Variants in LARS2 observed in about 807,000 individuals in gnomAD.
LARS2 encodes leucyl-tRNA synthetase 2, mitochondrial.
In LARS2, 81 loss-of-function variants were observed where a neutral mutation model predicts 116.6. The ratio of observed to expected loss-of-function variants is 0.69; its 90% CI spans 0.58 to 0.84. The LOEUF (loss-of-function observed/expected upper bound fraction) is 0.84, where lower values mean the gene tolerates loss of function less well. Ranked by LOEUF, LARS2 falls within the 40% of genes least tolerant of loss-of-function variation. The probability of loss-of-function intolerance (pLI) is 0.00; values close to 1 mark genes in which losing one functional copy is unlikely to be tolerated. For synonymous variants in LARS2, 396 were observed against 407.2 expected (o/e 0.97, Z 0.33); for missense variants, 968 against 1,114.5 (o/e 0.87, Z 1.87).
chr3:45,471,010 G>A (rs1246921185), intron 8 of LARS2, among the ~76,000 whole-genome samples: 2 of 123,470 alleles, frequency 1.6e-5, no homozygotes, highest in Non-Finnish European at 3.2e-5. Flanking sequence ...GAAATGAGGC[G>A]AATACCATCT....
Position 45,491,727 on chromosome 3 carries a change from A to G in LARS2, c.1450A>G (p.Ile484Val), listed in dbSNP as rs745912201. Residue 484 changes from isoleucine to valine, a missense_variant, in exon 13 of 22, where the codon ATC (isoleucine) becomes GTC (valine). Coordinates refer to ENST00000645846, the MANE Select transcript of LARS2 (RefSeq NM_015340.4). ...LEDLPVTLPNIASFTGKGGPP... is the reference protein window; with the variant it reads ...LEDLPVTLPNVASFTGKGGPP... ...GGACTTGCCTGTGACCCTGCCCAACATCGCGTCTTTCACTGGCAAGGGAGG... is the reference window on the plus strand; with the variant it reads ...GGACTTGCCTGTGACCCTGCCCAACGTCGCGTCTTTCACTGGCAAGGGAGG... 12 of 1,613,638 alleles carry G rather than the reference A, an allele frequency of 7.4e-6. No homozygotes were observed. Among genetic ancestry groups the G allele is most frequent in the African/African-American group, 4.0e-5 (3 of 74,902 alleles).
chr3:45,540,746 G>GTCTGTCTC lies in LARS2; in HGVS notation c.2405-1080_2405-1079insGTCTCTCT, dbSNP rs763247398. Among the ~76,000 whole-genome samples, 36 of 149,112 alleles carry GTCTGTCTC rather than the reference G, an allele frequency of 2.4e-4. 1 individual carries two copies. Among genetic ancestry groups the GTCTGTCTC allele is most frequent in the Admixed American group, 3.3e-4 (5 of 14,974 alleles). On this transcript the variant is annotated intron_variant, in intron 20 of 21. Transcript: ENST00000645846. ...AACAGAGGCTTGCATGTATCTATCT[G>GTCTGTCTC]TCTATCTATCTATCTATCTATCTAT...
intron 6 of LARS2, among the ~76,000 whole-genome samples, chr3:45,423,237 A>G (rs1311571264): frequency 6.6e-6 from 1 of 152,084 alleles, no homozygotes; most frequent in Non-Finnish European, 1.5e-5. Context: ...TTCTAAATCT[A>G]TTTTCCAGGG....
chr3:45,482,022 A>G (rs1384757672), intron 10 of LARS2, among the ~76,000 whole-genome samples: 1 of 152,178 alleles, frequency 6.6e-6, no homozygotes, highest in African/African-American at 2.4e-5. Flanking sequence ...ATTTTTGTAT[A>G]TGGCATGAAG....
chr3:45,537,336 A>T (rs190190611), intron 20 of LARS2, among the ~76,000 whole-genome samples: 1 of 152,286 alleles, frequency 6.6e-6, no homozygotes, highest in East Asian at 1.9e-4. Context: ...TTTCTTCATA[A>T]AATAATTTGG....
chr3:45,513,482 G>C (rs1231488417), intron 16 of LARS2, among the ~76,000 whole-genome samples: 1 of 152,184 alleles, frequency 6.6e-6, no homozygotes, highest in Non-Finnish European at 1.5e-5. Flanking sequence ...CTTCTGGCAG[G>C]GTTTTCATTT....
In LARS2 at chr3:45,400,283, T is replaced by C; in HGVS notation, c.273T>C (p.Pro91=). The C allele has an allele frequency of 6.2e-7, 1 of 1,613,816 alleles. No homozygotes were observed. The highest frequency in any genetic ancestry group is 8.5e-7 in the Non-Finnish European group (1 of 1,179,804). ...AATTTTACGTGCTTTCCATGTTCCC[T>C]TATCCTTCTGGTAAGCTGCACATGG... ...KPKFYVLSMF[P]YPSGKLHMGH... The change falls in exon 4 of 22, where the codon CCT becomes CCC. Residue 91 remains proline, a synonymous_variant. Transcript: ENST00000645846.
chr3:45,410,762 G>A lies in LARS2; in HGVS notation c.364-6720G>A, dbSNP rs544979490. Among the ~76,000 whole-genome samples, 153 of 152,300 alleles carry A rather than the reference G, an allele frequency of 1.0e-3. 1 individual carries two copies. The highest frequency in any genetic ancestry group is 4.6e-3 in the South Asian group (22 of 4,828). On this transcript the variant is annotated intron_variant, in intron 4 of 21. Transcript: ENST00000645846. ...AAAGAGAGCCCTGTCCTCCTCCAGC[G>A]TTCCGCCTTACTCTGTACAAGCCTA...
intron 7 of LARS2, among the ~76,000 whole-genome samples, chr3:45,451,698 G>A (rs1231771374): frequency 6.6e-6 from 1 of 151,876 alleles, no homozygotes; most frequent in Non-Finnish European, 1.5e-5. Context: ...GGTCTTTTGT[G>A]GTTCCATACA....
chr3:45,499,059 C>T (rs1321358308), intron 14 of LARS2, among the ~76,000 whole-genome samples: 3 of 151,978 alleles, frequency 2.0e-5, no homozygotes, highest in South Asian at 2.1e-4. Flanking sequence ...TTGGGGAGGC[C>T]GAGGCAGGAA....
intron 5 of LARS2, 148 bp from the exon 6 acceptor site, chr3:45,419,521 G>C: frequency 1.6e-6 from 1 of 642,174 alleles, no homozygotes; most frequent in East Asian, 2.8e-5. Flanking sequence ...ATTCTTAGTG[G>C]TTGATTTTTC....
At chr3:45,491,081 CA>C (rs1699906481) in intron 12 of LARS2, among the ~76,000 whole-genome samples, 1 of 152,128 alleles carries the variant, frequency 6.6e-6, no homozygotes. Flanking sequence ...TCTGTACTGG[CA>C]GCTAAAAGCT....
chr3:45,472,235 G>A (rs930782680), intron 8 of LARS2, among the ~76,000 whole-genome samples: 1 of 152,338 alleles, frequency 6.6e-6, no homozygotes, highest in South Asian at 2.1e-4. Flanking sequence ...TCAATCTGGT[G>A]TGGCATTTAA....
chr3:45,534,238 A>G (rs1005087431), intron 20 of LARS2, among the ~76,000 whole-genome samples: 29 of 152,144 alleles, frequency 1.9e-4, no homozygotes, highest in African/African-American at 6.8e-4. Context: ...GAGGAGTCGT[A>G]TGTACCAGGA....
At chr3:45,480,866 AT>A (rs1267151023) in intron 10 of LARS2, among the ~76,000 whole-genome samples, 1 of 152,188 alleles carries the variant, frequency 6.6e-6, no homozygotes, top group Non-Finnish European at 1.5e-5. Flanking sequence ...AGTACACTAC[AT>A]TTTTTTATAT....
chr3:45,522,577 A>G (rs569724261), intron 19 of LARS2, among the ~76,000 whole-genome samples: 60 of 152,088 alleles, frequency 3.9e-4, no homozygotes, highest in Non-Finnish European at 7.8e-4. Context: ...CTAAAAATAC[A>G]AAAAATCAGC....
chr3:45,458,934 G>A (rs1309504862), intron 8 of LARS2, 48 bp downstream of exon 8: 1 of 1,597,570 alleles, frequency 6.3e-7, no homozygotes, highest in Admixed American at 1.7e-5. Context: ...CATGCTGGCA[G>A]GCAACACCAA....
chr3:45,452,310 A>G (rs1300921697), intron 7 of LARS2, among the ~76,000 whole-genome samples: 1 of 151,812 alleles, frequency 6.6e-6, no homozygotes, highest in Non-Finnish European at 1.5e-5. Context: ...TCAGTGTGGT[A>G]TTAGCTATAG....
rs1029143001 is a variant in LARS2 at position 45,547,758 on chromosome 3, T to C, written c.*228T>C. 1 of 447,500 alleles carries C rather than the reference T, an allele frequency of 2.2e-6. No homozygotes were observed. Among genetic ancestry groups the C allele is most frequent in the African/African-American group, 2.0e-5 (1 of 49,088 alleles). 27.7% of individuals were successfully genotyped at this position (447,500 alleles called of 1,614,324 possible). A position where few individuals can be genotyped will look rare whatever the true frequency, so the allele number is the denominator to read the frequency against. ...GAAATATGAGCTACTGAGGAGGGGG[T>C]TGGACATCCTGCCCCTCACCCCCCA... On this transcript the variant is annotated 3_prime_UTR_variant, in exon 22 of 22. Coordinates refer to ENST00000645846, the MANE Select transcript of LARS2 (RefSeq NM_015340.4).
Sources: allele counts gnomAD v4.1 joint callset (sites outside exome capture counted in the v4.1 genomes callset), GRCh38; gene constraint gnomAD v4.1.1; transcripts MANE v1.5; gene names NCBI Gene and HGNC (gene_info 2026-07-23, HGNC 2026-07-21).